Variants in PML observed in about 807,000 individuals in gnomAD.
The protein encoded by PML is protein PML.
Under a neutral mutation model 65.2 loss-of-function variants are expected in PML, and 28 were observed. That is an observed-to-expected ratio of 0.43 (90% confidence interval 0.32 to 0.59). The LOEUF is 0.59. PML is among the 20% of genes least tolerant of loss of function. The pLI is 0.08. For synonymous variants in PML, 500 were observed against 508.8 expected (o/e 0.98, Z 0.23); for missense variants, 1,021 against 1,203.4 (o/e 0.85, Z 2.24).
chr15:74,033,741 A>T (rs1285660804), intron 6 of PML: 37 of 608,262 alleles, frequency 6.1e-5, no homozygotes, highest in Non-Finnish European at 1.1e-4. Context: ...ACTCCCAGAG[A>T]GGGCTTGGGC....
At chr15:74,021,193 T>C (rs1489951326) in intron 2 of PML, among the ~76,000 whole-genome samples, 2 of 152,220 alleles carry the variant, frequency 1.3e-5, no homozygotes, top group Non-Finnish European at 2.9e-5. Context: ...TGGTATCTAT[T>C]CCACTGGATT....
Position 74,023,266 on chromosome 15 carries a change from C to T in PML, c.1041C>T (p.Asp347=). The T allele has an allele frequency of 6.2e-7, 1 of 1,611,050 alleles. No individual in the cohort carries two copies. Among genetic ancestry groups the T allele is most frequent in the Non-Finnish European group, 8.5e-7 (1 of 1,179,664 alleles). Residue 347 remains aspartate, a synonymous_variant, in exon 3 of 9, where the codon GAC becomes GAT. Transcript: ENST00000268058. ...KCYASDQEVL[D]MHGFLRQALC... ...ACGCCTCGGACCAGGAGGTGCTGGA[C>T]ATGCACGGTTTCCTGCGCCAGGCGC...
chr15:74,022,962 C>A lies in PML; in HGVS notation c.737C>A (p.Ala246Glu). Residue 246 changes from alanine to glutamate, a missense_variant, in exon 3 of 9, where the codon GCG becomes GAG. Ala to Glu is a moderately radical substitution (Grantham distance 107, BLOSUM62 -1). Transcript: ENST00000268058. The stretch of plus-strand genomic sequence containing the variant: ...GAGGAGCTGGACGCCATGACGCAGG[C>A]GCTGCAGGAGCAGGATAGTGCCTTT... ...RQEELDAMTQ[A>E]LQEQDSAFGA... is the part of the protein sequence containing the mutation. The A allele has an allele frequency of 6.2e-7, 1 of 1,610,558 alleles. No individual in the cohort carries two copies. Among genetic ancestry groups the A allele is most frequent in the Non-Finnish European group, 8.5e-7 (1 of 1,178,798 alleles).
At chr15:74,024,110 G>T (rs1380125078) in intron 3 of PML, among the ~76,000 whole-genome samples, 1 of 152,104 alleles carries the variant, frequency 6.6e-6, no homozygotes, top group East Asian at 1.9e-4. Flanking sequence ...TAAGGGGTAG[G>T]GGGAGTGTGC....
rs1258051438 is a variant in PML, at chr15:74,047,374, C to T, written c.*2366C>T. 3 of 230,934 alleles carry T rather than the reference C, an allele frequency of 1.3e-5. No individual in the cohort carries two copies. The highest frequency in any genetic ancestry group is 2.6e-5 in the Non-Finnish European group (3 of 116,634). The allele number at this position is 230,934 out of a possible 1,614,324, so 14.3% of individuals were successfully genotyped here. A position where few individuals can be genotyped will look rare whatever the true frequency, so the allele number is the denominator to read the frequency against. ...GGTAATGGGAATTGATCAGTGCCAC[C>T]ACCCTTGACCCCAACTACCATCCCA... On this transcript the variant is annotated 3_prime_UTR_variant, in exon 9 of 9. Transcript: ENST00000268058.
At chr15:74,033,502 A>C in intron 6 of PML, 88 bp downstream of exon 6, 1 of 1,452,124 alleles carries the variant, frequency 6.9e-7, no homozygotes, top group South Asian at 1.1e-5. Context: ...CCATCCAGAA[A>C]GCCCAAAGCC....
intron 2 of PML, among the ~76,000 whole-genome samples, chr15:74,020,096 A>G (rs1008807660): frequency 1.2e-4 from 19 of 152,198 alleles, no homozygotes; most frequent in Non-Finnish European, 4.4e-5. Flanking sequence ...GGTATTGCCA[A>G]ATTGCCTTCT....
intron 2 of PML, among the ~76,000 whole-genome samples, chr15:74,019,292 C>T (rs554514202): frequency 4.0e-4 from 61 of 152,376 alleles, no homozygotes; most frequent in Non-Finnish European, 7.1e-4. Context: ...GCTTGGAACC[C>T]TGTCTCCAAG....
At chr15:74,036,416 C>A in intron 7 of PML, 1 of 1,305,976 alleles carries the variant, frequency 7.7e-7, no homozygotes, top group Non-Finnish European at 9.8e-7. Context: ...CCTTATTCCA[C>A]GACCATCGCG....
At chr15:73,997,926 C>T (rs2069582105) in intron 1 of PML, 78 bp from the exon 2 acceptor site, 1 of 1,237,486 alleles carries the variant, frequency 8.1e-7, no homozygotes, top group Admixed American at 1.7e-5. Flanking sequence ...CTCCAGGGTC[C>T]AGCTGTAAGG....
intron 4 of PML, chr15:74,031,205 T>C (rs961728395): frequency 2.4e-6 from 1 of 421,226 alleles, no homozygotes; most frequent in Non-Finnish European, 4.7e-6. Flanking sequence ...TTATCCATTC[T>C]GGGCATTGCA....
intron 1 of PML, 42 bp downstream of exon 1, chr15:73,994,983 T>A (rs2141691662): frequency 6.7e-7 from 1 of 1,486,490 alleles, no homozygotes; most frequent in African/African-American, 1.4e-5. Context: ...GCTTTGTTGG[T>A]TTGCTGTGGT....
chr15:74,015,571 T>C (rs2070533626), intron 2 of PML, among the ~76,000 whole-genome samples: 1 of 152,190 alleles, frequency 6.6e-6, no homozygotes, highest in Non-Finnish European at 1.5e-5. Context: ...AGTAGCATGC[T>C]CCCCTGGCCC....
chr15:74,016,792 C>CTTTTTTTTTTTTTTTTTT lies in PML; in HGVS notation c.603-6031_603-6014dup. On this transcript the variant is annotated intron_variant, in intron 2 of 8. Transcript: ENST00000268058. ...TTTTGAATTTTTTAGGCAGTGGCATCTTTTTTTTTTTTTTTTTTTTTTGAG... is the reference window on the plus strand; with the variant it reads ...TTTTGAATTTTTTAGGCAGTGGCATCTTTTTTTTTTTTTTTTTTTTTTTTTTTTTTTTTTTTTTTTGAG... Among the ~76,000 whole-genome samples, 117 of 77,646 alleles carry CTTTTTTTTTTTTTTTTTT rather than the reference C, an allele frequency of 1.5e-3. 21 individuals are homozygous for CTTTTTTTTTTTTTTTTTT. The highest frequency in any genetic ancestry group is 1.8e-3 in the Admixed American group (10 of 5,658). 50.9% of individuals were successfully genotyped at this position (77,646 alleles called of 152,430 possible).
rs1489040404 is a variant in PML at position 74,044,145 on chromosome 15, C to A, written c.1862-76C>A. The A allele has an allele frequency of 9.6e-6, 14 of 1,452,930 alleles. No homozygotes were observed. In the South Asian group the frequency reaches 1.6e-4, roughly 17 times the overall value. 90.0% of individuals were successfully genotyped at this position (1,452,930 alleles called of 1,614,324 possible). ...GGTCTCTAGATGGTGAGTCAGCAGC[C>A]CTAGAGGACCCCCTGCTCCCACCCC... On this transcript the variant is annotated intron_variant, in intron 8 of 8. Coordinates refer to ENST00000268058, the MANE Select transcript of PML (RefSeq NM_033238.3).
Position 74,025,162 on chromosome 15 carries a change from C to A in PML, c.1254+235C>A. On this transcript the variant is annotated intron_variant, in intron 4 of 8. Transcript: ENST00000268058. Reference sequence around the variant, plus strand: ...AAAGTTGCTCTTGATGGGCCATGAGCCAGGTTCAGTGGGGGTTAGATGTGG... The same window carrying A: ...AAAGTTGCTCTTGATGGGCCATGAGACAGGTTCAGTGGGGGTTAGATGTGG... The A allele has an allele frequency of 3.6e-6, 2 of 551,882 alleles. 1 individual carries two copies. The highest frequency in any genetic ancestry group is 3.9e-5 in the South Asian group (2 of 50,716). The allele number at this position is 551,882 out of a possible 1,614,324, so 34.2% of individuals were successfully genotyped here. A position where few individuals can be genotyped will look rare whatever the true frequency, so the allele number is the denominator to read the frequency against.
At chr15:74,033,105 C>G in intron 5 of PML, 51 bp from the exon 6 acceptor site, 1 of 1,606,418 alleles carries the variant, frequency 6.2e-7, no homozygotes, top group Non-Finnish European at 8.5e-7. Flanking sequence ...CAGGCTCTGC[C>G]CACTCACCCC....
chr15:74,034,766 T>C, intron 7 of PML: 1 of 1,456,440 alleles, frequency 6.9e-7, no homozygotes. Flanking sequence ...TGATAGCATG[T>C]GTCCAGAGCC....
At chr15:74,031,396 C>G (rs1346622596) in intron 4 of PML, 1 of 311,684 alleles carries the variant, frequency 3.2e-6, no homozygotes, top group Admixed American at 3.7e-5. Flanking sequence ...GCCTCAGCCT[C>G]CCAAGTAGCT....
Sources: gnomAD v4.1 joint callset for allele counts (sites outside exome capture counted in the v4.1 genomes callset) on GRCh38, gnomAD v4.1.1 for gene constraint, MANE v1.5 for transcripts, NCBI Gene and HGNC (gene_info 2026-07-23, HGNC 2026-07-21) for gene names.